Variants in PTPRJ observed in about 807,000 individuals in gnomAD.
PTPRJ encodes receptor-type tyrosine-protein phosphatase eta.
Under a neutral mutation model 141.3 loss-of-function variants are expected in PTPRJ, and 129 were observed. The ratio of observed to expected loss-of-function variants is 0.91; its 90% CI spans 0.79 to 1.06. The LOEUF (loss-of-function observed/expected upper bound fraction) is 1.06, where lower values mean the gene tolerates loss of function less well. Among genes scored for constraint, PTPRJ ranks in the 50% least tolerant of loss-of-function variants. The pLI is 0.00. For synonymous variants in PTPRJ, 610 were observed against 640.5 expected (o/e 0.95, Z 0.72); for missense variants, 1,601 against 1,679.7 (o/e 0.95, Z 0.82).
chr11:48,127,717 G>T, intron 6 of PTPRJ, 63 bp from the exon 7 acceptor site: 1 of 1,548,140 alleles, frequency 6.5e-7, no homozygotes, highest in South Asian at 1.2e-5. Context: ...ATGCCCTGAT[G>T]ACCTCTCCCT....
intron 1 of PTPRJ, among the ~76,000 whole-genome samples, chr11:48,090,910 C>T (rs1426764067): frequency 6.6e-6 from 1 of 152,106 alleles, no homozygotes; most frequent in Non-Finnish European, 1.5e-5. Context: ...CTCATGATGT[C>T]AAGCACTGTG....
At chr11:48,071,036 A>G (rs1261628471) in intron 1 of PTPRJ, among the ~76,000 whole-genome samples, 1 of 152,180 alleles carries the variant, frequency 6.6e-6, no homozygotes. Context: ...CTGTTAAAGT[A>G]TATTATTACT....
At chr11:48,163,352 A>G (rs2134388660) in intron 22 of PTPRJ, 106 bp from the exon 23 acceptor site, 1 of 1,081,978 alleles carries the variant, frequency 9.2e-7, no homozygotes, top group Non-Finnish European at 1.3e-6. Flanking sequence ...ATTTTTAGTC[A>G]TTACAACTCC....
chr11:48,168,581 T>TAC lies in PTPRJ; in HGVS notation c.*1222_*1223dup, dbSNP rs1446340368. On this transcript the variant is annotated 3_prime_UTR_variant, in exon 25 of 25. Coordinates refer to ENST00000418331, the MANE Select transcript of PTPRJ (RefSeq NM_002843.4). The stretch of plus-strand genomic sequence containing the variant: ...ATATATATATATATATATATATATA[T>TAC]ACACTAAGCTCTCAAAAACAGTCAT... The TAC allele has an allele frequency of 2.3e-4, 27 of 117,598 alleles. No homozygotes were observed. The highest frequency in any genetic ancestry group is 1.1e-3 in the South Asian group (4 of 3,590). 7.3% of individuals were successfully genotyped at this position (117,598 alleles called of 1,614,324 possible). A position where few individuals can be genotyped will look rare whatever the true frequency, so the allele number is the denominator to read the frequency against.
At chr11:48,135,944 T>C (rs1469485647) in intron 8 of PTPRJ, 95 bp from the exon 9 acceptor site, 1 of 1,418,276 alleles carries the variant, frequency 7.1e-7, no homozygotes. Context: ...GAAAGCGTAA[T>C]GGCAAAAGAG....
chr11:48,144,487 T>C (rs1025615361), intron 12 of PTPRJ, among the ~76,000 whole-genome samples, 188 bp from the exon 13 acceptor site: 2 of 152,214 alleles, frequency 1.3e-5, no homozygotes, highest in East Asian at 3.8e-4. Flanking sequence ...ATGGGATTCA[T>C]GGGGATGAAG....
At chr11:47,982,559 G>A (rs1257679577) in intron 1 of PTPRJ, among the ~76,000 whole-genome samples, 1 of 151,882 alleles carries the variant, frequency 6.6e-6, no homozygotes, top group East Asian at 1.9e-4. Context: ...AAGATTTCTT[G>A]TATCAAAAGT....
intron 1 of PTPRJ, among the ~76,000 whole-genome samples, chr11:48,038,807 C>A (rs1159288075): frequency 1.3e-5 from 2 of 150,034 alleles, no homozygotes; most frequent in Non-Finnish European, 3.0e-5. Flanking sequence ...CATTCTTTAT[C>A]CCTTTACTTT....
At chr11:48,035,538 C>CTTTTTT (rs66504227) in intron 1 of PTPRJ, among the ~76,000 whole-genome samples, 197 of 61,752 alleles carry the variant, frequency 3.2e-3, no homozygotes, top group East Asian at 6.0e-3. Flanking sequence ...CTTTCTTCTT[C>CTTTTTT]TTTTTTTTTT....
chr11:48,065,318 G>A (rs776564271), intron 1 of PTPRJ, among the ~76,000 whole-genome samples: 12 of 152,056 alleles, frequency 7.9e-5, no homozygotes, highest in Non-Finnish European at 1.2e-4. Context: ...CTGGCCAACT[G>A]CTTTGGTTTC....
intron 1 of PTPRJ, among the ~76,000 whole-genome samples, chr11:48,004,385 C>G (rs533783360): frequency 6.6e-6 from 1 of 152,168 alleles, no homozygotes; most frequent in Non-Finnish European, 1.5e-5. Context: ...GAATTAAGGA[C>G]ATCGTTTTGT....
intron 2 of PTPRJ, among the ~76,000 whole-genome samples, chr11:48,111,840 G>C: frequency 6.6e-6 from 1 of 152,108 alleles, no homozygotes; most frequent in Non-Finnish European, 1.5e-5. Flanking sequence ...GAATTTGGGG[G>C]TGGCGGAGCA....
intron 7 of PTPRJ, 67 bp downstream of exon 7, chr11:48,128,110 G>A (rs1348302304): frequency 2.6e-6 from 4 of 1,525,792 alleles, no homozygotes; most frequent in Non-Finnish European, 3.6e-6. Flanking sequence ...CCAGACACAG[G>A]ATGCATGATG....
Position 48,016,307 on chromosome 11 carries a change from ATCCTCAT to A in PTPRJ, c.96+35300_96+35306del, listed in dbSNP as rs1191980731. On this transcript the variant is annotated intron_variant, in intron 1 of 24. Coordinates refer to ENST00000418331, the MANE Select transcript of PTPRJ (RefSeq NM_002843.4). ...TCTTCACAGCTGCTTCCCACTCGTT[ATCCTCAT>A]AGTAGCCCAGGGTAGAAAAGGAGAG... Among the ~76,000 whole-genome samples the A allele has an allele frequency of 2.0e-5, 3 of 152,220 alleles. No individual in the cohort carries two copies. In the East Asian group the frequency reaches 5.8e-4, roughly 29 times the overall value.
intron 3 of PTPRJ, among the ~76,000 whole-genome samples, chr11:48,119,018 CAAAAAA>C (rs59349969): frequency 1.1e-5 from 1 of 87,084 alleles, no homozygotes; most frequent in African/African-American, 4.8e-5. Context: ...GACTTCGTCT[CAAAAAA>C]AAAAAAAAAA....
intron 1 of PTPRJ, among the ~76,000 whole-genome samples, chr11:48,009,419 G>C (rs1049654593): frequency 6.6e-6 from 1 of 152,090 alleles, no homozygotes; most frequent in Admixed American, 6.5e-5. Flanking sequence ...AGTATGGCGA[G>C]ACCCCATCTC....
intron 1 of PTPRJ, among the ~76,000 whole-genome samples, chr11:48,071,907 T>G (rs1467074124): frequency 7.4e-6 from 1 of 134,522 alleles, no homozygotes; most frequent in African/African-American, 2.7e-5. Flanking sequence ...TGGCCATTTT[T>G]TTTTTTTTTT....
At chr11:48,024,027 C>A (rs1853736586) in intron 1 of PTPRJ, among the ~76,000 whole-genome samples, 1 of 151,864 alleles carries the variant, frequency 6.6e-6, no homozygotes, top group Non-Finnish European at 1.5e-5. Flanking sequence ...AAAGGAAAAC[C>A]TAGTGTTAGC....
intron 12 of PTPRJ, among the ~76,000 whole-genome samples, chr11:48,144,383 C>G (rs1326429678): frequency 1.3e-5 from 2 of 152,228 alleles, no homozygotes; most frequent in Admixed American, 1.3e-4. Flanking sequence ...GAACCCAACT[C>G]TACCTCATAG....
Sources: gnomAD v4.1 joint callset for allele counts (sites outside exome capture counted in the v4.1 genomes callset) on GRCh38, gnomAD v4.1.1 for gene constraint, MANE v1.5 for transcripts, NCBI Gene and HGNC (gene_info 2026-07-23, HGNC 2026-07-21) for gene names.